Variants in PSD2 observed in about 807,000 individuals in gnomAD.
PSD2 encodes the protein pleckstrin and Sec7 domain containing 2.
In PSD2, 38 loss-of-function variants were observed where a neutral mutation model predicts 69.8. That is an observed-to-expected ratio of 0.54 (90% confidence interval 0.42 to 0.71). The LOEUF (loss-of-function observed/expected upper bound fraction) is 0.71. Ranked by LOEUF, PSD2 falls within the 30% of genes least tolerant of loss-of-function variation. The pLI is 0.00. For synonymous variants in PSD2, 412 were observed against 423.0 expected (o/e 0.97, Z 0.32); for missense variants, 943 against 1,014.5 (o/e 0.93, Z 0.96).
At chr5:139,827,482 GC>G (rs1180038525) in intron 7 of PSD2, among the ~76,000 whole-genome samples, 1 of 152,240 alleles carries the variant, frequency 6.6e-6, no homozygotes, top group African/African-American at 2.4e-5. Context: ...GCACAAAGGG[GC>G]AAGAGAGATG....
the PSD2 span, among the ~76,000 whole-genome samples, chr5:139,790,428 G>T: frequency 3.9e-5 from 6 of 152,038 alleles, no homozygotes; most frequent in African/African-American, 1.4e-4. Context: ...TTGAAGCTGG[G>T]CTGGGGTCAT....
chr5:139,806,097 G>A (rs149234361), intron 1 of PSD2, among the ~76,000 whole-genome samples: 171 of 152,336 alleles, frequency 1.1e-3, no homozygotes, highest in Non-Finnish European at 2.0e-3. Flanking sequence ...AGAGGCTGCC[G>A]AGCCCAAGGT....
Position 139,813,457 on chromosome 5 carries a change from G to A in PSD2, c.520G>A (p.Val174Ile), listed in dbSNP as rs543972760. The change falls in exon 3 of 15, where the codon GTC (valine) becomes ATC (isoleucine). Residue 174 changes from valine (V) to isoleucine (I), a missense_variant. Val to Ile is a conservative substitution (Grantham distance 29). Transcript: ENST00000274710. ...CCTCACGGATGAGAGCGACAGCTGC[G>A]TCAGCTTCGAGGCCCCCCTCACACC... is the stretch of plus-strand genomic sequence containing the variant. ...LSLTDESDSC[V>I]SFEAPLTPLI... 6.2e-6 allele frequency: 10 copies of A among 1,614,032 alleles called. No individual in the cohort carries two copies. Among genetic ancestry groups the A allele is most frequent in the East Asian group, 4.5e-5 (2 of 44,868 alleles).
chr5:139,776,693 G>A, the PSD2 span, among the ~76,000 whole-genome samples: 6 of 147,226 alleles, frequency 4.1e-5, no homozygotes, highest in Admixed American at 2.0e-4. Context: ...TTTCCAGATA[G>A]GGTCTTGTTC....
the PSD2 span, among the ~76,000 whole-genome samples, chr5:139,767,814 A>G: frequency 6.6e-6 from 1 of 152,232 alleles, no homozygotes; most frequent in Admixed American, 6.5e-5. Context: ...AGCACATGCA[A>G]TCCAAGAGGT....
intron 1 of PSD2, among the ~76,000 whole-genome samples, chr5:139,801,010 G>C (rs1363276440): frequency 6.6e-6 from 1 of 152,108 alleles, no homozygotes; most frequent in East Asian, 1.9e-4. Flanking sequence ...TTCAAGACCA[G>C]CCTGGCCAAC....
At chr5:139,753,220 C>T in the PSD2 span, among the ~76,000 whole-genome samples, 2 of 152,276 alleles carry the variant, frequency 1.3e-5, no homozygotes, top group East Asian at 3.9e-4. Context: ...GCGCGAGAAA[C>T]GGGATTTGGA....
chr5:139,819,011 A>G (rs1760191089), intron 5 of PSD2, among the ~76,000 whole-genome samples: 1 of 152,140 alleles, frequency 6.6e-6, no homozygotes, highest in Admixed American at 6.5e-5. Context: ...TCCAGTATCT[A>G]TCATCTGAAT....
At chr5:139,767,253 A>G in the PSD2 span, among the ~76,000 whole-genome samples, 6 of 151,556 alleles carry the variant, frequency 4.0e-5, no homozygotes, top group Admixed American at 1.3e-4. Context: ...TCGGCCTCCC[A>G]AAGTGCTGGG....
At chr5:139,840,238 G>A in intron 14 of PSD2, 68 bp downstream of exon 14, 4 of 1,564,096 alleles carry the variant, frequency 2.6e-6, no homozygotes, top group South Asian at 1.1e-5. Flanking sequence ...CTGGCCTGAT[G>A]TGGGACTGGG....
intron 4 of PSD2, among the ~76,000 whole-genome samples, chr5:139,816,775 G>A (rs1310496826): frequency 1.3e-5 from 2 of 152,176 alleles, no homozygotes; most frequent in African/African-American, 2.4e-5. Context: ...GCTCTGGGCC[G>A]GCCAGCTTGT....
the PSD2 span, among the ~76,000 whole-genome samples, chr5:139,768,121 G>A: frequency 6.6e-6 from 1 of 152,234 alleles, no homozygotes; most frequent in Non-Finnish European, 1.5e-5. Flanking sequence ...AGCCTGGGCA[G>A]CTGAACCTGG....
chr5:139,833,649 G>T, intron 7 of PSD2, 53 bp from the exon 8 acceptor site: 1 of 1,319,452 alleles, frequency 7.6e-7, no homozygotes, highest in South Asian at 1.2e-5. Context: ...GGTGTGTGGG[G>T]AACACACCAG....
the PSD2 span, among the ~76,000 whole-genome samples, chr5:139,755,738 G>A: frequency 6.6e-6 from 1 of 151,858 alleles, no homozygotes; most frequent in East Asian, 1.9e-4. Flanking sequence ...CTGTGACTGT[G>A]TCTCTGTGTG....
At chr5:139,819,340 C>T (rs1047207641) in intron 5 of PSD2, among the ~76,000 whole-genome samples, 1 of 152,182 alleles carries the variant, frequency 6.6e-6, no homozygotes, top group Non-Finnish European at 1.5e-5. Flanking sequence ...TGGGCAAACC[C>T]CCTTGTTGGC....
the PSD2 span, among the ~76,000 whole-genome samples, chr5:139,754,625 A>G: frequency 3.2e-4 from 49 of 152,108 alleles, no homozygotes; most frequent in Admixed American, 7.9e-4. Context: ...TGATCCCAGG[A>G]GGTGGAGGCT....
At chr5:139,779,581 G>A in the PSD2 span, among the ~76,000 whole-genome samples, 44 of 152,178 alleles carry the variant, frequency 2.9e-4, no homozygotes, top group Non-Finnish European at 5.4e-4. Flanking sequence ...ACAATGAAAT[G>A]CACAAATCTT....
chr5:139,760,449 T>C, the PSD2 span, among the ~76,000 whole-genome samples: 1 of 152,084 alleles, frequency 6.6e-6, no homozygotes, highest in Admixed American at 6.6e-5. Context: ...TCTGTCAGGG[T>C]CCAGCCACTG....
At chr5:139,782,575 C>T in the PSD2 span, among the ~76,000 whole-genome samples, 4 of 151,486 alleles carry the variant, frequency 2.6e-5, no homozygotes, top group African/African-American at 9.7e-5. Flanking sequence ...TCACTGCAAC[C>T]TCTGCCTCCC....
Sources: gnomAD v4.1 joint callset for allele counts (sites outside exome capture counted in the v4.1 genomes callset) on GRCh38, gnomAD v4.1.1 for gene constraint, MANE v1.5 for transcripts, NCBI Gene and HGNC (gene_info 2026-07-23, HGNC 2026-07-21) for gene names.